Variants in FHAD1 observed in about 807,000 individuals in gnomAD.
FHAD1 encodes forkhead associated phosphopeptide binding domain 1, also known as forkhead-associated domain-containing protein 1.
Under a neutral mutation model 191.3 loss-of-function variants are expected in FHAD1, and 146 were observed. That is an observed-to-expected ratio of 0.76 (90% CI 0.67 to 0.88). The LOEUF (loss-of-function observed/expected upper bound fraction) is 0.88. Among genes scored for constraint, FHAD1 ranks in the 40% least tolerant of loss-of-function variants. The pLI, the probability that FHAD1 is intolerant of heterozygous loss-of-function variation, is 0.00. For synonymous variants in FHAD1, 616 were observed against 672.3 expected, an observed-to-expected ratio of 0.92 and a Z score of 1.29; for missense variants, 1,635 against 1,785.8, an observed-to-expected ratio of 0.92 and a Z score of 1.52.
At chr1:15,292,873 T>TA (rs1472840242) in intron 4 of FHAD1, among the ~76,000 whole-genome samples, 2 of 152,244 alleles carry the variant, frequency 1.3e-5, no homozygotes, top group East Asian at 3.9e-4. Flanking sequence ...GAGGATCCCT[T>TA]GAAGATAGGA....
At chr1:15,351,744 G>A (rs1340133726) in intron 19 of FHAD1, among the ~76,000 whole-genome samples, 1 of 152,072 alleles carries the variant, frequency 6.6e-6, no homozygotes, top group Non-Finnish European at 1.5e-5. Context: ...GCAGGACTTA[G>A]CTCTCCAGGG....
chr1:15,349,246 C>A, intron 19 of FHAD1, 97 bp downstream of exon 19: 1 of 963,634 alleles, frequency 1.0e-6, no homozygotes, highest in Non-Finnish European at 1.6e-6. Flanking sequence ...CAGAGCCATG[C>A]CTCCCTTTGA....
chr1:15,387,976 G>C (rs1320668785), intron 31 of FHAD1, 75 bp from the exon 32 acceptor site: 47 of 752,824 alleles, frequency 6.2e-5, no homozygotes, highest in Non-Finnish European at 9.2e-5. Flanking sequence ...AACCTCAGAG[G>C]CCTGTCCCAG....
At chr1:15,255,035 C>T (rs1329037425) in intron 2 of FHAD1, among the ~76,000 whole-genome samples, 1 of 151,582 alleles carries the variant, frequency 6.6e-6, no homozygotes, top group East Asian at 1.9e-4. Flanking sequence ...TAGAAGCCAC[C>T]CCGAGTAATA....
At chr1:15,341,353 T>G (rs562712516) in intron 15 of FHAD1, among the ~76,000 whole-genome samples, 1 of 152,138 alleles carries the variant, frequency 6.6e-6, no homozygotes, top group Non-Finnish European at 1.5e-5. Context: ...TCAAGACAAA[T>G]GTTCAAGCGT....
intron 20 of FHAD1, among the ~76,000 whole-genome samples, chr1:15,357,583 G>A (rs538714552): frequency 5.9e-4 from 86 of 144,746 alleles, no homozygotes; most frequent in Non-Finnish European, 1.1e-3. Flanking sequence ...AGATAGCACC[G>A]TTGCGCTCCA....
chr1:15,246,602 T>C (rs1333253356), upstream of FHAD1, among the ~76,000 whole-genome samples: 1 of 152,094 alleles, frequency 6.6e-6, no homozygotes, highest in African/African-American at 2.4e-5. Flanking sequence ...GGGATCAGCG[T>C]GTGACACTCA....
Position 15,299,873 on chromosome 1 carries a change from A to T in FHAD1, c.679-1332A>T, listed in dbSNP as rs545328310. Among the ~76,000 whole-genome samples, 3 of 152,318 alleles carry T rather than the reference A, an allele frequency of 2.0e-5. No homozygotes were observed. The South Asian group carries it at 6.2e-4, about 32-fold the overall frequency. On this transcript the variant is annotated intron_variant, in intron 5 of 33. Transcript: ENST00000688493. Reference sequence around the variant, plus strand: ...GACTCTGTTTGAGGCTGTCCTTTGAAATGTTGCCACAAGCACTCACAGGGA... The same window carrying T: ...GACTCTGTTTGAGGCTGTCCTTTGATATGTTGCCACAAGCACTCACAGGGA...
chr1:15,252,695 C>T (rs930883322), intron 2 of FHAD1, among the ~76,000 whole-genome samples: 1 of 152,208 alleles, frequency 6.6e-6, no homozygotes, highest in African/African-American at 2.4e-5. Flanking sequence ...CTCTTCCTTT[C>T]AAGACCCCAT....
chr1:15,270,018 C>G (rs1039860996), intron 2 of FHAD1, among the ~76,000 whole-genome samples: 3 of 147,796 alleles, frequency 2.0e-5, no homozygotes, highest in Non-Finnish European at 3.0e-5. Flanking sequence ...TCAAGTGATT[C>G]TCCTTCCACA....
At chr1:15,379,131 G>A (rs997541896) in intron 28 of FHAD1, among the ~76,000 whole-genome samples, 3 of 152,132 alleles carry the variant, frequency 2.0e-5, no homozygotes, top group African/African-American at 7.2e-5. Flanking sequence ...AAGGGGGCCC[G>A]GGGAACCAGC....
chr1:15,288,429 G>A (rs1000724605), intron 3 of FHAD1, among the ~76,000 whole-genome samples: 1 of 152,240 alleles, frequency 6.6e-6, no homozygotes, highest in Non-Finnish European at 1.5e-5. Flanking sequence ...CGGGGCCTCT[G>A]CCAGAATCAG....
At chr1:15,330,896 C>T (rs1681019992) in intron 14 of FHAD1, among the ~76,000 whole-genome samples, 1 of 152,048 alleles carries the variant, frequency 6.6e-6, no homozygotes, top group African/African-American at 2.4e-5. Flanking sequence ...AAGTGGACAA[C>T]GTCCTGGAGG....
chr1:15,365,795 G>C (rs772909016), intron 23 of FHAD1, 32 bp from the exon 24 acceptor site: 1 of 1,409,432 alleles, frequency 7.1e-7, no homozygotes, highest in South Asian at 1.2e-5. Flanking sequence ...AGTTTGAGTT[G>C]AACTGACTTC....
At chr1:15,351,656 A>C (rs11581901) in intron 19 of FHAD1, among the ~76,000 whole-genome samples, 3,539 of 152,268 alleles carry the variant, frequency 0.023, 152 homozygotes, top group African/African-American at 0.081. Context: ...GTAACACACC[A>C]AGTAGTGCAT....
At chr1:15,340,938 T>C (rs1283204586) in intron 15 of FHAD1, among the ~76,000 whole-genome samples, 5 of 152,058 alleles carry the variant, frequency 3.3e-5, no homozygotes, top group African/African-American at 7.2e-5. Flanking sequence ...TCCCAGCGCT[T>C]TGGGAGGCTG....
At chr1:15,260,150 C>G in intron 2 of FHAD1, among the ~76,000 whole-genome samples, 1 of 152,106 alleles carries the variant, frequency 6.6e-6, no homozygotes, top group East Asian at 1.9e-4. Context: ...AACAGAAGGG[C>G]GGCTCTAGAA....
chr1:15,237,120 T>C (rs1429969630), intron 1 of FHAD1, among the ~76,000 whole-genome samples: 2 of 152,202 alleles, frequency 1.3e-5, no homozygotes, highest in African/African-American at 4.8e-5. Flanking sequence ...TAAACCTCTT[T>C]CCTTCATAAA....
upstream of FHAD1, among the ~76,000 whole-genome samples, chr1:15,246,172 C>G (rs1646005202): frequency 6.6e-6 from 1 of 152,126 alleles, no homozygotes; most frequent in South Asian, 2.1e-4. Context: ...GGAAGTGCCA[C>G]ACTTTTAAAC....
Sources: allele counts gnomAD v4.1 joint callset (sites outside exome capture counted in the v4.1 genomes callset), GRCh38; gene constraint gnomAD v4.1.1; transcripts MANE v1.5; gene names NCBI Gene and HGNC (gene_info 2026-07-23, HGNC 2026-07-21).